Variants in PLEKHB2 observed in about 807,000 individuals in gnomAD.
PLEKHB2 encodes the protein pleckstrin homology domain containing B2.
In PLEKHB2, 31 loss-of-function variants were observed where a neutral mutation model predicts 36.5. The ratio of observed to expected loss-of-function variants is 0.85; its 90% CI spans 0.64 to 1.15. PLEKHB2 has a LOEUF of 1.15. Ranked by LOEUF, PLEKHB2 falls within the 50% of genes most tolerant of loss-of-function variation. The pLI is 0.00. For synonymous variants in PLEKHB2, 119 were observed against 112.0 expected (o/e 1.06, Z -0.39); for missense variants, 262 against 295.3 (o/e 0.89, Z 0.83).
intron 7 of PLEKHB2, among the ~76,000 whole-genome samples, chr2:131,143,768 G>C (rs575607523): frequency 8.7e-4 from 133 of 152,306 alleles, no homozygotes; most frequent in Non-Finnish European, 1.2e-3. Flanking sequence ...TTAAGCCCTA[G>C]CCTTGCCACA....
chr2:131,141,052 A>G (rs1034464714), intron 7 of PLEKHB2, among the ~76,000 whole-genome samples: 1 of 152,228 alleles, frequency 6.6e-6, no homozygotes, highest in African/African-American at 2.4e-5. Flanking sequence ...ATGGTGTCTC[A>G]GCGCAGAGGC....
chr2:131,125,454 T>G (rs149546827), intron 2 of PLEKHB2, among the ~76,000 whole-genome samples: 8 of 152,258 alleles, frequency 5.3e-5, no homozygotes, highest in Admixed American at 5.2e-4. Flanking sequence ...CAGGTGTAAT[T>G]AAGGGGCCAG....
At chr2:131,109,519 G>A (rs550148985) in intron 1 of PLEKHB2, among the ~76,000 whole-genome samples, 3 of 151,930 alleles carry the variant, frequency 2.0e-5, no homozygotes, top group South Asian at 2.1e-4. Flanking sequence ...GTAAAATCCC[G>A]TCTGTACTAA....
At chr2:131,124,694 A>AG (rs1390268022) in intron 2 of PLEKHB2, among the ~76,000 whole-genome samples, 1 of 152,152 alleles carries the variant, frequency 6.6e-6, no homozygotes, top group Admixed American at 6.5e-5. Context: ...TGCATCAGGA[A>AG]GGGGGGAGCC....
intron 1 of PLEKHB2, among the ~76,000 whole-genome samples, chr2:131,108,842 G>A (rs529655962): frequency 6.6e-6 from 1 of 152,328 alleles, no homozygotes; most frequent in East Asian, 1.9e-4. Context: ...TCGAGTTCTA[G>A]TAACTGTGAG....
At chr2:131,118,392 C>T (rs560624597) in intron 1 of PLEKHB2, among the ~76,000 whole-genome samples, 5 of 152,098 alleles carry the variant, frequency 3.3e-5, no homozygotes, top group South Asian at 2.1e-4. Context: ...TTGGAGATGC[C>T]GGAGTATGGG....
intron 4 of PLEKHB2, 84 bp from the exon 5 acceptor site, chr2:131,130,637 C>A: frequency 9.8e-7 from 1 of 1,020,788 alleles, no homozygotes; most frequent in Non-Finnish European, 1.6e-6. Context: ...CAGATCTTTT[C>A]AGGAATTCTG....
intron 7 of PLEKHB2, among the ~76,000 whole-genome samples, chr2:131,144,086 C>T (rs530567149): frequency 1.8e-4 from 28 of 152,282 alleles, no homozygotes; most frequent in African/African-American, 5.1e-4. Context: ...GTGGTCGATA[C>T]ACAGCAGCTT....
Position 131,125,781 on chromosome 2 carries a change from C to G in PLEKHB2, c.66C>G (p.Asn22Lys). Residue 22 changes from asparagine to lysine, a missense_variant, in exon 3 of 8, where the codon AAC becomes AAG. Asn to Lys is a moderately conservative substitution (Grantham distance 94). Transcript: ENST00000693505. The part of the protein sequence containing the change: ...QSTILKRWKK[N>K]WFDLWSDGHL... ...CTATTTTGAAGCGCTGGAAGAAGAA[C>G]TGGTTTGATCTGTGGTCGGATGGTC... is the stretch of plus-strand genomic sequence containing the variant. 1 of 1,610,808 alleles carries G rather than the reference C, an allele frequency of 6.2e-7. No individual in the cohort carries two copies. The highest frequency in any genetic ancestry group is 8.5e-7 in the Non-Finnish European group (1 of 1,178,776).
At chr2:131,140,431 C>T (rs765091405) in intron 7 of PLEKHB2, among the ~76,000 whole-genome samples, 156 bp downstream of exon 7, 1 of 152,180 alleles carries the variant, frequency 6.6e-6, no homozygotes, top group African/African-American at 2.4e-5. Flanking sequence ...TTAAGAAAGC[C>T]TTTGGTAGTT....
At position 131,133,009 on chromosome 2, in the gene PLEKHB2, C is replaced by T; in HGVS notation, c.423+18C>T. The T allele has an allele frequency of 6.3e-7, 1 of 1,593,862 alleles. No individual in the cohort carries two copies. Among genetic ancestry groups the T allele is most frequent in the Non-Finnish European group, 8.6e-7 (1 of 1,161,744 alleles). On this transcript the variant is annotated intron_variant, in intron 6 of 7. Transcript: ENST00000693505. ...CCCCTGAGGTAGGGAGAACCCTGAG[C>T]CTCCAGGTGAGGGAAGTTTGGGGTC...
At chr2:131,125,952 G>T (rs1400056178) in intron 3 of PLEKHB2, 47 bp downstream of exon 3, 2 of 1,569,384 alleles carry the variant, frequency 1.3e-6, no homozygotes, top group Admixed American at 1.7e-5. Context: ...CTCTTCCTCT[G>T]TCTTGCTGGG....
chr2:131,131,346 G>A (rs1573593487), intron 5 of PLEKHB2, among the ~76,000 whole-genome samples: 1 of 152,200 alleles, frequency 6.6e-6, no homozygotes, highest in Non-Finnish European at 1.5e-5. Context: ...TTGCAGTAAA[G>A]GCTTAGAAAG....
At position 131,133,039 on chromosome 2, in the gene PLEKHB2, C is replaced by G. The variant is rs748133902; in HGVS notation, c.423+48C>G. 5 of 1,172,616 alleles carry G rather than the reference C, an allele frequency of 4.3e-6. No individual in the cohort carries two copies. In the South Asian group the frequency reaches 6.1e-5, roughly 14 times the overall value. 72.6% of individuals were successfully genotyped at this position (1,172,616 alleles called of 1,614,324 possible). On this transcript the variant is annotated intron_variant, in intron 6 of 7. Coordinates refer to ENST00000693505, the MANE Select transcript of PLEKHB2 (RefSeq NM_001100623.2). ...AGGTGAGGGAAGTTTGGGGTCTCTG[C>G]TGCTGTCCTGCTTTGTTTTGTTTTT...
At position 131,146,701 on chromosome 2, in the gene PLEKHB2, C is replaced by T. The variant is rs573750020; in HGVS notation, c.597C>T (p.Ser199=). The change falls in exon 8 of 8, where the codon AGC becomes AGT. Residue 199 remains serine (S), a synonymous_variant. Coordinates refer to ENST00000693505, the MANE Select transcript of PLEKHB2 (RefSeq NM_001100623.2). Reference sequence around the variant, plus strand: ...GAGAGCGCTATCGAGACAACGACAGCGACCTGGCACTGGGCATGCTGGCAG... The same window carrying T: ...GAGAGCGCTATCGAGACAACGACAGTGACCTGGCACTGGGCATGCTGGCAG... ...IIRERYRDND[S]DLALGMLAGA... 6.8e-6 allele frequency: 11 copies of T among 1,613,884 alleles called. No individual in the cohort carries two copies. The highest frequency in any genetic ancestry group is 5.0e-5 in the Admixed American group (3 of 59,998).
intron 7 of PLEKHB2, chr2:131,144,449 G>A: frequency 1.7e-5 from 21 of 1,216,946 alleles, no homozygotes; most frequent in Non-Finnish European, 2.2e-5. Context: ...AGTTTCCAGG[G>A]GTAAGTCCAA....
chr2:131,143,858 A>G (rs1356275306), intron 7 of PLEKHB2, among the ~76,000 whole-genome samples: 1 of 152,184 alleles, frequency 6.6e-6, no homozygotes, highest in East Asian at 1.9e-4. Context: ...GAGAGCACAG[A>G]TATTGCAGAC....
chr2:131,120,843 G>A (rs1266324543), intron 1 of PLEKHB2, 91 bp from the exon 2 acceptor site: 2 of 1,309,782 alleles, frequency 1.5e-6, no homozygotes, highest in Admixed American at 3.5e-5. Context: ...TTCCTCAGCT[G>A]ATGCTGAAGG....
At chr2:131,141,363 G>C (rs1698760205) in intron 7 of PLEKHB2, among the ~76,000 whole-genome samples, 1 of 152,070 alleles carries the variant, frequency 6.6e-6, no homozygotes, top group Admixed American at 6.5e-5. Flanking sequence ...AAGTAGTCCG[G>C]GCACGGTGGC....
Sources: gnomAD v4.1 joint callset for allele counts (sites outside exome capture counted in the v4.1 genomes callset) on GRCh38, gnomAD v4.1.1 for gene constraint, MANE v1.5 for transcripts, NCBI Gene and HGNC (gene_info 2026-07-23, HGNC 2026-07-21) for gene names.